The following RALGPS1 variants were observed in gnomAD, a reference collection of about 807,000 sequenced individuals.
RALGPS1 encodes Ral GEF with PH domain and SH3 binding motif 1.
A neutral mutation model predicts 78.8 loss-of-function variants in RALGPS1; 19 were observed. The observed-to-expected ratio is 0.24, with a 90% CI of 0.17 to 0.35. The LOEUF is 0.35. Ranked by LOEUF, RALGPS1 falls within the 10% of genes least tolerant of loss-of-function variation. RALGPS1 has a pLI of 1.00. For missense variants in RALGPS1, 454 were observed against 688.3 expected (o/e 0.66, Z 3.81); for synonymous variants, 228 against 256.3 (o/e 0.89, Z 1.06).
chr9:126,967,145 A>G (rs1268288155), intron 3 of RALGPS1, among the ~76,000 whole-genome samples: 2 of 152,176 alleles, frequency 1.3e-5, no homozygotes, highest in Non-Finnish European at 2.9e-5. Context: ...GTGCCAGGCC[A>G]TACTGAGCCT....
intron 8 of RALGPS1, among the ~76,000 whole-genome samples, chr9:127,133,725 A>C (rs866785010): frequency 6.6e-6 from 1 of 151,508 alleles, no homozygotes; most frequent in African/African-American, 2.4e-5. Flanking sequence ...TGGAACCAAA[A>C]CTCTCCTGGT....
At chr9:126,961,271 A>G (rs982253982) in intron 1 of RALGPS1, among the ~76,000 whole-genome samples, 2 of 152,164 alleles carry the variant, frequency 1.3e-5, no homozygotes, top group African/African-American at 4.8e-5. Context: ...GGTGGCATGA[A>G]CAAAGCCATC....
At chr9:127,002,512 T>C (rs563361891) in intron 4 of RALGPS1, among the ~76,000 whole-genome samples, 133 of 150,150 alleles carry the variant, frequency 8.9e-4, no homozygotes, top group African/African-American at 3.1e-3. Flanking sequence ...TAGTTACATA[T>C]GTATACATGT....
intron 8 of RALGPS1, among the ~76,000 whole-genome samples, chr9:127,140,506 T>C (rs993435514): frequency 6.6e-6 from 1 of 152,204 alleles, no homozygotes; most frequent in Non-Finnish European, 1.5e-5. Context: ...CCACTTCCAC[T>C]GAAGGATGAA....
chr9:127,214,919 G>C (rs1019391538), intron 18 of RALGPS1, 77 bp downstream of exon 18: 21 of 1,590,334 alleles, frequency 1.3e-5, no homozygotes, highest in Non-Finnish European at 1.8e-5. Context: ...TAGAAAACAG[G>C]GTTCCCTTCT....
intron 14 of RALGPS1, among the ~76,000 whole-genome samples, chr9:127,200,717 GA>G (rs1271625211): frequency 1.3e-5 from 2 of 152,242 alleles, no homozygotes; most frequent in African/African-American, 4.8e-5. Context: ...CGGCAGTGGG[GA>G]GGAGAACTGG....
Position 127,168,701 on chromosome 9 carries a change from T to A in RALGPS1, c.771T>A (p.His257Gln). The change falls in exon 10 of 19, where the codon CAT (histidine) becomes CAA (glutamine). Residue 257 changes from histidine to glutamine, a missense_variant. His to Gln is a conservative substitution (Grantham distance 24). Transcript: ENST00000259351. ...CAGATCACCTCACCACCCTGCCCCATGTGCAGAAGTACCTGAAGTCCGTAC... is the reference window on the plus strand; with the variant it reads ...CAGATCACCTCACCACCCTGCCCCAAGTGCAGAAGTACCTGAAGTCCGTAC... ...CSYDHLTTLP[H>Q]VQKYLKSVRY... The A allele has an allele frequency of 6.2e-7, 1 of 1,613,636 alleles. No individual in the cohort carries two copies. Among genetic ancestry groups the A allele is most frequent in the Non-Finnish European group, 8.5e-7 (1 of 1,179,494 alleles).
chr9:126,995,772 T>C (rs111882434), intron 4 of RALGPS1, among the ~76,000 whole-genome samples: 2 of 152,272 alleles, frequency 1.3e-5, no homozygotes, highest in African/African-American at 2.4e-5. Context: ...ACTGACCACA[T>C]AGTTGGAAGT....
intron 5 of RALGPS1, among the ~76,000 whole-genome samples, chr9:127,037,218 A>G (rs1021521826): frequency 6.6e-6 from 1 of 152,232 alleles, no homozygotes; most frequent in Non-Finnish European, 1.5e-5. Context: ...GCTGAAAGGA[A>G]GGTTAAGACC....
At chr9:127,015,052 A>G (rs1398582388) in intron 4 of RALGPS1, among the ~76,000 whole-genome samples, 3 of 152,238 alleles carry the variant, frequency 2.0e-5, no homozygotes, top group Non-Finnish European at 4.4e-5. Flanking sequence ...TGTAGGAAAC[A>G]TGCAGTAACT....
At chr9:127,174,617 C>T (rs1179112147) in intron 10 of RALGPS1, 98 bp from the exon 11 acceptor site, 2 of 1,066,144 alleles carry the variant, frequency 1.9e-6, no homozygotes, top group Non-Finnish European at 2.9e-6. Flanking sequence ...TCACAGTATT[C>T]CTGGCTTCTG....
At chr9:127,155,875 AAGAG>A (rs1412655610) in intron 8 of RALGPS1, among the ~76,000 whole-genome samples, 1 of 143,912 alleles carries the variant, frequency 6.9e-6, no homozygotes, top group African/African-American at 2.7e-5. Flanking sequence ...CTTTAATAGA[AAGAG>A]AAAGAAAGAA....
intron 4 of RALGPS1, among the ~76,000 whole-genome samples, chr9:127,028,564 T>C (rs1028448626): frequency 1.3e-5 from 2 of 152,220 alleles, no homozygotes; most frequent in African/African-American, 4.8e-5. Context: ...AGTCCTACTG[T>C]CCAGGGACTG....
chr9:127,212,842 G>C lies in RALGPS1; in HGVS notation c.1447-102G>C. On this transcript the variant is annotated intron_variant, in intron 16 of 18. Transcript: ENST00000259351. The surrounding 1 kb of genome is among the most constrained non-coding windows in gnomAD (Gnocchi z 6.0). Reference sequence around the variant, plus strand: ...GAACTGCGGAGGATGCAGGTGGGAAGGCGGCAGGGGAGGGAGGAAGCCTTG... The same window carrying C: ...GAACTGCGGAGGATGCAGGTGGGAACGCGGCAGGGGAGGGAGGAAGCCTTG... 6.4e-7 allele frequency: 1 copy of C among 1,572,018 alleles called. No individual in the cohort carries two copies. The highest frequency in any genetic ancestry group is 8.7e-7 in the Non-Finnish European group (1 of 1,151,926).
intron 8 of RALGPS1, among the ~76,000 whole-genome samples, chr9:127,113,072 T>C (rs1194691489): frequency 6.6e-6 from 1 of 152,158 alleles, no homozygotes; most frequent in South Asian, 2.1e-4. Context: ...GGGCCTAGGC[T>C]TAGTGGGGGT....
chr9:126,979,238 ATTATGTGTG>A (rs970629354), intron 4 of RALGPS1, among the ~76,000 whole-genome samples: 1 of 100,078 alleles, frequency 1.0e-5, no homozygotes, highest in Non-Finnish European at 2.1e-5. Context: ...TTATTGTATT[ATTATGTGTG>A]TGTGTGTGTG....
intron 4 of RALGPS1, among the ~76,000 whole-genome samples, chr9:126,989,420 AGC>A (rs1409911795): frequency 2.0e-5 from 3 of 152,214 alleles, no homozygotes; most frequent in African/African-American, 7.2e-5. Flanking sequence ...AGCATACAGC[AGC>A]GTGGAGGGGA....
chr9:127,057,947 C>CT (rs1171157709), intron 7 of RALGPS1, among the ~76,000 whole-genome samples: 1 of 152,220 alleles, frequency 6.6e-6, no homozygotes, highest in Non-Finnish European at 1.5e-5. Context: ...CAGAGAATGA[C>CT]TGAGTGTCTG....
intron 4 of RALGPS1, among the ~76,000 whole-genome samples, chr9:126,994,520 T>A (rs1017370778): frequency 6.6e-6 from 1 of 152,148 alleles, no homozygotes; most frequent in Admixed American, 6.5e-5. Flanking sequence ...CCAAGAAATA[T>A]GGGACTATGT....
Sources: allele counts gnomAD v4.1 joint callset (sites outside exome capture counted in the v4.1 genomes callset), GRCh38; gene constraint gnomAD v4.1.1; non-coding constraint Gnocchi (gnomAD v3.1); transcripts MANE v1.5; gene names NCBI Gene and HGNC (gene_info 2026-07-23, HGNC 2026-07-21).